HS6ST3: variants seen among roughly 807,000 people sequenced by gnomAD.
The protein encoded by HS6ST3 is heparan sulfate 6-O-sulfotransferase 3.
Under a neutral mutation model 36.7 loss-of-function variants are expected in HS6ST3, and 12 were observed. The ratio of observed to expected loss-of-function variants is 0.33; its 90% confidence interval spans 0.21 to 0.53. HS6ST3 has a LOEUF of 0.53. HS6ST3 is among the 20% of genes least tolerant of loss of function. The probability of loss-of-function intolerance (pLI) is 0.95; values close to 1 mark genes in which losing one functional copy is unlikely to be tolerated. For missense variants in HS6ST3, 584 were observed against 640.9 expected, an observed-to-expected ratio of 0.91 and a Z score of 0.96; for synonymous variants, 240 against 257.5, an observed-to-expected ratio of 0.93 and a Z score of 0.65.
chr13:96,441,087 C>A (rs995560050), intron 1 of HS6ST3, among the ~76,000 whole-genome samples: 1 of 152,110 alleles, frequency 6.6e-6, no homozygotes, highest in African/African-American at 2.4e-5. Context: ...CCACCATATG[C>A]AGATTCAACA....
chr13:96,572,665 C>T (rs189048746), intron 1 of HS6ST3, among the ~76,000 whole-genome samples: 4 of 150,474 alleles, frequency 2.7e-5, no homozygotes, highest in African/African-American at 4.9e-5. Context: ...CCCGAATATT[C>T]TGAATCAATA....
chr13:96,700,229 A>G (rs1268047928), intron 1 of HS6ST3, among the ~76,000 whole-genome samples: 1 of 152,192 alleles, frequency 6.6e-6, no homozygotes, highest in East Asian at 1.9e-4. Flanking sequence ...CGGAAGGCAA[A>G]AGGCAAATCT....
intron 1 of HS6ST3, among the ~76,000 whole-genome samples, chr13:96,256,337 C>T (rs1456810863): frequency 6.6e-6 from 1 of 152,190 alleles, no homozygotes; most frequent in Admixed American, 6.5e-5. Context: ...CTACACGTTC[C>T]ATTTTATTTC....
chr13:96,114,950 AT>A (rs779472843), intron 1 of HS6ST3, among the ~76,000 whole-genome samples: 34 of 152,166 alleles, frequency 2.2e-4, no homozygotes, highest in Non-Finnish European at 4.4e-4. Flanking sequence ...TTTTGACTGA[AT>A]TTCTAGAGGT....
intron 1 of HS6ST3, among the ~76,000 whole-genome samples, chr13:96,447,806 C>T (rs1188009776): frequency 6.6e-6 from 1 of 152,194 alleles, no homozygotes; most frequent in African/African-American, 2.4e-5. Flanking sequence ...AGTTTCCTCT[C>T]TTGGCTTTGG....
chr13:96,399,375 A>G (rs1410339), intron 1 of HS6ST3, among the ~76,000 whole-genome samples: 77,122 of 151,986 alleles, frequency 0.51, 19,908 homozygotes, highest in Middle Eastern at 0.6. Context: ...TAGATGAGAA[A>G]ATTTAATCAC....
At chr13:96,298,428 G>A (rs985372448) in intron 1 of HS6ST3, among the ~76,000 whole-genome samples, 2 of 152,202 alleles carry the variant, frequency 1.3e-5, no homozygotes, top group African/African-American at 4.8e-5. Flanking sequence ...ATTCTTAGAA[G>A]CCTTCCTGCT....
chr13:96,245,803 C>A (rs1234728000), intron 1 of HS6ST3, among the ~76,000 whole-genome samples: 1 of 152,026 alleles, frequency 6.6e-6, no homozygotes, highest in African/African-American at 2.4e-5. Flanking sequence ...TTTTTAGATG[C>A]AAAAGTCAAA....
intron 1 of HS6ST3, among the ~76,000 whole-genome samples, chr13:96,702,617 T>A (rs545686802): frequency 2.6e-5 from 4 of 152,336 alleles, no homozygotes; most frequent in Non-Finnish European, 4.4e-5. Context: ...TGCTGACTGC[T>A]TCTCTATTGC....
chr13:96,605,422 T>A (rs977559576), intron 1 of HS6ST3, among the ~76,000 whole-genome samples: 7 of 152,176 alleles, frequency 4.6e-5, no homozygotes, highest in Non-Finnish European at 1.0e-4. Flanking sequence ...TATCTTTTTT[T>A]CTGTTGGAGT....
chr13:96,436,971 T>C (rs559869274), intron 1 of HS6ST3, among the ~76,000 whole-genome samples: 25 of 152,298 alleles, frequency 1.6e-4, no homozygotes, highest in Admixed American at 1.0e-3. Flanking sequence ...CCTCCATTTT[T>C]TTTTTCTATT....
intron 1 of HS6ST3, among the ~76,000 whole-genome samples, chr13:96,258,603 C>G (rs908090408): frequency 6.6e-6 from 1 of 152,132 alleles, no homozygotes; most frequent in Non-Finnish European, 1.5e-5. Context: ...GCAATGGGCA[C>G]TTAGGATAGG....
chr13:96,293,420 C>T (rs770770709), intron 1 of HS6ST3, among the ~76,000 whole-genome samples: 116 of 151,988 alleles, frequency 7.6e-4, no homozygotes, highest in Non-Finnish European at 1.1e-3. Flanking sequence ...TCAATACAGT[C>T]GTCTTAGATG....
At chr13:96,739,906 C>G (rs1322022288) in intron 1 of HS6ST3, among the ~76,000 whole-genome samples, 1 of 152,102 alleles carries the variant, frequency 6.6e-6, no homozygotes, top group African/African-American at 2.4e-5. Flanking sequence ...GACCTCATTT[C>G]CCACTTTTTG....
intron 1 of HS6ST3, chr13:96,169,822 G>A (rs1271733547): frequency 1.3e-5 from 2 of 152,168 alleles, no homozygotes; most frequent in African/African-American, 2.4e-5. Flanking sequence ...ACTCCCGCCT[G>A]GACAACATAG....
chr13:96,795,854 A>C (rs541535824), intron 1 of HS6ST3, among the ~76,000 whole-genome samples: 1 of 152,238 alleles, frequency 6.6e-6, no homozygotes, highest in African/African-American at 2.4e-5. Context: ...CAAGGAACTG[A>C]ACTTCCTAGA....
intron 1 of HS6ST3, among the ~76,000 whole-genome samples, chr13:96,207,192 A>G (rs2139355187): frequency 6.6e-6 from 1 of 152,312 alleles, no homozygotes; most frequent in South Asian, 2.1e-4. Context: ...GTGGCCAACA[A>G]ATACGAAAAA....
In HS6ST3 at chr13:96,833,193, T is replaced by G; in HGVS notation, c.1411T>G (p.Trp471Gly). ...GGACTACAACAGCCAGGTGGTGAGA[T>G]GGTGACCTCCTGCCCTCTCCTCTCT... ...TEDYNSQVVRW is the reference protein window; with the variant it reads ...TEDYNSQVVRG The change falls in exon 2 of 2, where the codon TGG (tryptophan) becomes GGG (glycine). Residue 471 changes from tryptophan (W) to glycine (G), a missense_variant. Trp to Gly is a radical substitution (Grantham distance 184). Around this residue, in one of 3 missense-constraint regions of HS6ST3, gnomAD observed 360 missense variants for 411.3 expected, o/e 0.88. Coordinates refer to ENST00000376705, the MANE Select transcript of HS6ST3 (RefSeq NM_153456.4). The G allele has an allele frequency of 6.4e-7, 1 of 1,554,616 alleles. No homozygotes were observed. The highest frequency in any genetic ancestry group is 2.3e-5 in the East Asian group (1 of 44,300).
At chr13:96,682,939 A>G (rs548180625) in intron 1 of HS6ST3, among the ~76,000 whole-genome samples, 4 of 152,236 alleles carry the variant, frequency 2.6e-5, no homozygotes, top group African/African-American at 9.6e-5. Flanking sequence ...CAATAAATTA[A>G]TTACCTTTAG....
Sources: gnomAD v4.1 joint callset for allele counts (sites outside exome capture counted in the v4.1 genomes callset) on GRCh38, gnomAD v4.1.1 for gene constraint, gnomAD v4.1.1 regional missense constraint, MANE v1.5 for transcripts, NCBI Gene and HGNC (gene_info 2026-07-23, HGNC 2026-07-21) for gene names.